SYNE1: variants seen among roughly 807,000 people sequenced by gnomAD.
The protein encoded by SYNE1 is nesprin-1.
In SYNE1, 616 loss-of-function variants were observed where a neutral mutation model predicts 1,111.0. The ratio of observed to expected loss-of-function variants is 0.55; its 90% CI spans 0.52 to 0.59. The LOEUF (loss-of-function observed/expected upper bound fraction) is 0.59. Among genes scored for constraint, SYNE1 ranks in the 20% least tolerant of loss-of-function variants. The pLI, the probability that SYNE1 is intolerant of heterozygous loss-of-function variation, is 0.00. For synonymous variants in SYNE1, 3,855 were observed against 3,825.8 expected (o/e 1.01, Z -0.28); for missense variants, 10,006 against 10,417.0 (o/e 0.96, Z 1.72).
intron 98 of SYNE1, among the ~76,000 whole-genome samples, chr6:152,270,967 G>C (rs1235696715): frequency 6.6e-6 from 1 of 152,216 alleles, no homozygotes; most frequent in Non-Finnish European, 1.5e-5. Flanking sequence ...GAGCAGTGAA[G>C]AGGACAGCAG....
intron 75 of SYNE1, among the ~76,000 whole-genome samples, chr6:152,338,741 C>T (rs979852359): frequency 7.9e-5 from 12 of 152,134 alleles, no homozygotes; most frequent in Non-Finnish European, 1.5e-4. Context: ...CTGTGTGGGC[C>T]GGTACTGCTA....
chr6:152,525,282 T>C (rs1255777543), intron 5 of SYNE1, among the ~76,000 whole-genome samples: 1 of 152,208 alleles, frequency 6.6e-6, no homozygotes, highest in Non-Finnish European at 1.5e-5. Context: ...ATAATGATTG[T>C]GTCATTATTG....
At position 152,326,421 on chromosome 6, in the gene SYNE1, T is replaced by C. The variant is rs1590130338; in HGVS notation, c.15168A>G (p.Val5056=). The change falls in exon 79 of 146, where the codon GTA becomes GTG. Residue 5056 remains valine (V), a synonymous_variant. Coordinates refer to ENST00000367255, the MANE Select transcript of SYNE1 (RefSeq NM_182961.4). ...HSNLEELHSL[V]ATLDPLIKPT... ...GCTTGATGAGTGGGTCCAGGGTGGC[T>C]ACCAGGCTGTGGAGCTCCTCCAGGT... 1 of 1,614,212 alleles carries C rather than the reference T, an allele frequency of 6.2e-7. No homozygotes were observed. The highest frequency in any genetic ancestry group is 1.1e-5 in the South Asian group (1 of 91,086).
At chr6:152,565,263 A>G (rs2099409094) in intron 3 of SYNE1, among the ~76,000 whole-genome samples, 1 of 152,176 alleles carries the variant, frequency 6.6e-6, no homozygotes, top group Non-Finnish European at 1.5e-5. Context: ...GAGCAAATCC[A>G]AATCATTGGT....
chr6:152,405,485 C>A (rs1243789222), intron 45 of SYNE1, among the ~76,000 whole-genome samples: 1 of 152,028 alleles, frequency 6.6e-6, no homozygotes, highest in Non-Finnish European at 1.5e-5. Flanking sequence ...AACTCAAAGG[C>A]CTACGTAACA....
chr6:152,551,637 AT>A (rs2099347307), intron 3 of SYNE1, among the ~76,000 whole-genome samples: 1 of 152,334 alleles, frequency 6.6e-6, no homozygotes, highest in South Asian at 2.1e-4. Context: ...TATTTAAAAA[AT>A]ATCACTTCTA....
chr6:152,206,533 G>A (rs2076542213), intron 125 of SYNE1, among the ~76,000 whole-genome samples, 171 bp from the exon 126 acceptor site: 2 of 152,220 alleles, frequency 1.3e-5, no homozygotes, highest in African/African-American at 4.8e-5. Flanking sequence ...ATACAATGGA[G>A]ACAGGCTTAG....
At chr6:152,393,514 T>C (rs780950438) in intron 51 of SYNE1, among the ~76,000 whole-genome samples, 2 of 151,872 alleles carry the variant, frequency 1.3e-5, no homozygotes, top group African/African-American at 4.8e-5. Flanking sequence ...TCTGGCACTA[T>C]ACTAGATAAT....
Position 152,256,773 on chromosome 6 carries a change from C to G in SYNE1, c.18973-8G>C. On this transcript the variant is annotated splice_region_variant and splice_polypyrimidine_tract_variant and intron_variant, in intron 101 of 145. Coordinates refer to ENST00000367255, the MANE Select transcript of SYNE1 (RefSeq NM_182961.4). ...ATTTGGCCTGCTATAAAGCTGTAGG[C>G]AAACAAAGGCAGCTTGTTGAAGAGC... 1 of 1,613,158 alleles carries G rather than the reference C, an allele frequency of 6.2e-7. No individual in the cohort carries two copies.
intron 11 of SYNE1, among the ~76,000 whole-genome samples, chr6:152,489,756 C>G (rs1006146730): frequency 1.1e-4 from 17 of 152,132 alleles, no homozygotes; most frequent in African/African-American, 4.1e-4. Flanking sequence ...ACCCAGAAGT[C>G]TGAGTGAGGG....
chr6:152,501,063 A>G (rs2099027471), intron 10 of SYNE1, among the ~76,000 whole-genome samples: 1 of 152,172 alleles, frequency 6.6e-6, no homozygotes, highest in South Asian at 2.1e-4. Flanking sequence ...CAGTGAAGAC[A>G]GACAGTTTTT....
At chr6:152,138,826 T>C (rs1381884394) in intron 140 of SYNE1, among the ~76,000 whole-genome samples, 1 of 152,150 alleles carries the variant, frequency 6.6e-6, no homozygotes, top group Non-Finnish European at 1.5e-5. Flanking sequence ...TAAAGCATTT[T>C]AGTGTCTGGG....
At chr6:152,130,368 T>G (rs974561640) in intron 145 of SYNE1, among the ~76,000 whole-genome samples, 3 of 152,212 alleles carry the variant, frequency 2.0e-5, no homozygotes, top group African/African-American at 7.2e-5. Flanking sequence ...TTACCTGTCT[T>G]ATTGTAAACT....
intron 56 of SYNE1, among the ~76,000 whole-genome samples, chr6:152,379,062 G>A (rs2097347936): frequency 6.6e-6 from 1 of 152,038 alleles, no homozygotes; most frequent in African/African-American, 2.4e-5. Flanking sequence ...AACATTGTAA[G>A]AACTAAAGAA....
intron 22 of SYNE1, chr6:152,456,803 C>G (rs974009870): frequency 2.4e-6 from 1 of 424,880 alleles, no homozygotes; most frequent in African/African-American, 2.1e-5. Flanking sequence ...GTATCCTCAA[C>G]TGCGTTAGAA....
chr6:152,391,051 T>A lies in SYNE1; in HGVS notation c.8004+226A>T, dbSNP rs78307826. On this transcript the variant is annotated intron_variant, in intron 52 of 145. Transcript: ENST00000367255. ...GATATTCAGTAACGCTTGCTGAATATTTACTAAATCAAATTTAAAATTATT... is the reference window on the plus strand; with the variant it reads ...GATATTCAGTAACGCTTGCTGAATAATTACTAAATCAAATTTAAAATTATT... Among the ~76,000 whole-genome samples, 495 of 152,294 alleles carry A rather than the reference T, an allele frequency of 3.3e-3. 2 individuals carry two copies. Among genetic ancestry groups the A allele is most frequent in the African/African-American group, 0.012 (481 of 41,564 alleles).
At chr6:152,534,795 T>A (rs1041480037) in intron 4 of SYNE1, among the ~76,000 whole-genome samples, 3 of 152,184 alleles carry the variant, frequency 2.0e-5, no homozygotes, top group Non-Finnish European at 4.4e-5. Flanking sequence ...GAAAGACAAC[T>A]AAAGAAGATG....
chr6:152,340,608 C>T (rs531363110), intron 74 of SYNE1, among the ~76,000 whole-genome samples: 1 of 152,278 alleles, frequency 6.6e-6, no homozygotes, highest in East Asian at 1.9e-4. Flanking sequence ...AGTTGTGAAC[C>T]ACTGCGCTAG....
At chr6:152,302,335 T>C in intron 91 of SYNE1, 1 of 543,166 alleles carries the variant, frequency 1.8e-6, no homozygotes. Context: ...AATGAGTGGT[T>C]TCTAATCGCG....
Sources: allele counts gnomAD v4.1 joint callset (sites outside exome capture counted in the v4.1 genomes callset), GRCh38; gene constraint gnomAD v4.1.1; transcripts MANE v1.5; gene names NCBI Gene and HGNC (gene_info 2026-07-23, HGNC 2026-07-21).